LINGO2: variants seen among roughly 807,000 people sequenced by gnomAD.
The protein encoded by LINGO2 is leucine-rich repeat and immunoglobulin-like domain-containing nogo receptor-interacting protein 2.
A neutral mutation model predicts 30.6 loss-of-function variants in LINGO2; 14 were observed. That is an observed-to-expected ratio of 0.46 (90% CI 0.30 to 0.72). The LOEUF is 0.72. Among genes scored for constraint, LINGO2 ranks in the 30% least tolerant of loss-of-function variants. The pLI, the probability that LINGO2 is intolerant of heterozygous loss-of-function variation, is 0.07. For missense variants in LINGO2, 729 were observed against 751.7 expected, an observed-to-expected ratio of 0.97 and a Z score of 0.35; for synonymous variants, 317 against 288.5, an observed-to-expected ratio of 1.10 and a Z score of -1.00.
chr9:29,117,291 T>C, the LINGO2 span, among the ~76,000 whole-genome samples: 1 of 152,200 alleles, frequency 6.6e-6, no homozygotes, highest in Non-Finnish European at 1.5e-5. Flanking sequence ...GGTAAATGGC[T>C]TTCAGGGTGA....
chr9:28,713,134 G>T, the LINGO2 span, among the ~76,000 whole-genome samples: 2 of 152,108 alleles, frequency 1.3e-5, no homozygotes, highest in African/African-American at 2.4e-5. Context: ...AAAGTGCTGC[G>T]ATTACAGGTG....
chr9:28,860,792 G>A, the LINGO2 span, among the ~76,000 whole-genome samples: 3 of 148,798 alleles, frequency 2.0e-5, no homozygotes, highest in East Asian at 2.0e-4. Context: ...AGCAATTTCC[G>A]AAGTCTGTAT....
the LINGO2 span, among the ~76,000 whole-genome samples, chr9:29,060,487 AAAC>A: frequency 1.3e-5 from 2 of 152,022 alleles, no homozygotes; most frequent in African/African-American, 4.8e-5. Context: ...CCCAGAGATC[AAAC>A]AACATATTAT....
At chr9:28,200,526 A>G (rs1171259777) in intron 4 of LINGO2, among the ~76,000 whole-genome samples, 2 of 152,208 alleles carry the variant, frequency 1.3e-5, no homozygotes, top group African/African-American at 2.4e-5. Context: ...AACCATTTAC[A>G]TATGGCTTTA....
At chr9:28,742,933 TA>T in the LINGO2 span, among the ~76,000 whole-genome samples, 9 of 152,090 alleles carry the variant, frequency 5.9e-5, no homozygotes, top group East Asian at 1.5e-3. Context: ...AATTCTTTTT[TA>T]AAAAGTCAAG....
At chr9:28,009,439 A>G (rs985508898) in intron 5 of LINGO2, among the ~76,000 whole-genome samples, 8 of 152,058 alleles carry the variant, frequency 5.3e-5, no homozygotes, top group Non-Finnish European at 8.8e-5. Context: ...TAGACAACCC[A>G]CAGAATGCAA....
intron 1 of LINGO2, among the ~76,000 whole-genome samples, chr9:28,529,945 A>C (rs1028422312): frequency 6.6e-6 from 1 of 152,076 alleles, no homozygotes; most frequent in African/African-American, 2.4e-5. Context: ...CCTCTTTGGG[A>C]AGCAGATTTT....
chr9:27,970,550 GT>G (rs1357334591), intron 5 of LINGO2, among the ~76,000 whole-genome samples: 1 of 152,146 alleles, frequency 6.6e-6, no homozygotes, highest in Non-Finnish European at 1.5e-5. Flanking sequence ...ACAGTAAGGG[GT>G]TTGCATTTTA....
the LINGO2 span, among the ~76,000 whole-genome samples, chr9:29,138,682 T>C: frequency 6.6e-6 from 1 of 152,192 alleles, no homozygotes; most frequent in East Asian, 1.9e-4. Context: ...CGTAGCCCTA[T>C]GAGGCAGGCA....
intron 2 of LINGO2, among the ~76,000 whole-genome samples, chr9:28,431,647 GT>G (rs937426178): frequency 6.6e-5 from 10 of 152,128 alleles, no homozygotes; most frequent in African/African-American, 2.4e-4. Flanking sequence ...CAAAAGATCA[GT>G]TACGGTCATT....
At chr9:28,175,023 G>A (rs1349130998) in intron 4 of LINGO2, among the ~76,000 whole-genome samples, 2 of 151,904 alleles carry the variant, frequency 1.3e-5, no homozygotes, top group African/African-American at 2.4e-5. Flanking sequence ...AAGGGTAACT[G>A]CCTGCCCATA....
At chr9:28,792,873 C>G in the LINGO2 span, among the ~76,000 whole-genome samples, 1 of 152,114 alleles carries the variant, frequency 6.6e-6, no homozygotes, top group African/African-American at 2.4e-5. Context: ...TAAGTTCTTT[C>G]CCCAGTGAAT....
intron 3 of LINGO2, among the ~76,000 whole-genome samples, chr9:28,372,145 C>G (rs34848412): frequency 0.78 from 119,019 of 151,858 alleles, 47,866 homozygotes; most frequent in Middle Eastern, 0.9. Flanking sequence ...ATGTTACATA[C>G]TTCCAACTTC....
chr9:28,034,182 T>C (rs1431760342), intron 4 of LINGO2, among the ~76,000 whole-genome samples: 2 of 152,202 alleles, frequency 1.3e-5, no homozygotes, highest in African/African-American at 4.8e-5. Context: ...TTCAGCAGCC[T>C]GCACACCAGC....
intron 2 of LINGO2, among the ~76,000 whole-genome samples, chr9:28,402,684 C>T (rs896550089): frequency 6.6e-6 from 1 of 151,942 alleles, no homozygotes; most frequent in Non-Finnish European, 1.5e-5. Flanking sequence ...AGAATTAACT[C>T]TACAAAGGTC....
At chr9:28,171,855 AC>A (rs1828593818) in intron 4 of LINGO2, among the ~76,000 whole-genome samples, 1 of 149,708 alleles carries the variant, frequency 6.7e-6, no homozygotes, top group African/African-American at 2.5e-5. Context: ...GAAAAAAAAA[AC>A]AAAAAACCAA....
the LINGO2 span, among the ~76,000 whole-genome samples, chr9:28,952,920 A>G: frequency 6.6e-6 from 1 of 152,216 alleles, no homozygotes; most frequent in African/African-American, 2.4e-5. Context: ...TCAAATCACT[A>G]CCTTCATAGT....
chr9:28,111,167 A>G (rs1477119999), intron 4 of LINGO2, among the ~76,000 whole-genome samples: 1 of 152,140 alleles, frequency 6.6e-6, no homozygotes, highest in Admixed American at 6.5e-5. Context: ...GTTCTCACTC[A>G]TAAGTGGGAG....
At chr9:28,100,127 T>C (rs750406959) in intron 4 of LINGO2, among the ~76,000 whole-genome samples, 11 of 152,204 alleles carry the variant, frequency 7.2e-5, no homozygotes, top group Non-Finnish European at 1.5e-4. Context: ...AACATTGTCT[T>C]ATTCACTGGT....
Sources: gnomAD v4.1 joint callset for allele counts (sites outside exome capture counted in the v4.1 genomes callset) on GRCh38, gnomAD v4.1.1 for gene constraint, MANE v1.5 for transcripts, NCBI Gene and HGNC (gene_info 2026-07-23, HGNC 2026-07-21) for gene names.